Variants in ASB3 observed in about 807,000 individuals in gnomAD.
ASB3 encodes ankyrin repeat and SOCS box containing 3.
ASB3 carries 41 observed loss-of-function variants against 54.5 expected under a neutral mutation model. The observed-to-expected ratio is 0.75, with a 90% CI of 0.59 to 0.98. The LOEUF is 0.98. ASB3 is among the 50% of genes least tolerant of loss of function. The pLI, the probability that ASB3 is intolerant of heterozygous loss-of-function variation, is 0.00. For missense variants in ASB3, 733 were observed against 620.0 expected (o/e 1.18, Z -1.94); for synonymous variants, 266 against 221.2 (o/e 1.20, Z -1.80).
chr2:53,726,374 C>T (rs1481428798), intron 5 of ASB3, among the ~76,000 whole-genome samples: 1 of 151,094 alleles, frequency 6.6e-6, no homozygotes, highest in Non-Finnish European at 1.5e-5. Context: ...AATTCTCCTG[C>T]CTCAGCCTCC....
At chr2:53,771,938 C>A in intron 1 of ASB3, 1 of 1,543,680 alleles carries the variant, frequency 6.5e-7, no homozygotes. Context: ...GTTGAAGATC[C>A]TGCGGTATGG....
chr2:53,723,495 C>G (rs375877388), intron 5 of ASB3, among the ~76,000 whole-genome samples: 3 of 152,138 alleles, frequency 2.0e-5, no homozygotes, highest in African/African-American at 7.2e-5. Context: ...CCCATCCTTT[C>G]CCTGAGTCCC....
intron 3 of ASB3, among the ~76,000 whole-genome samples, chr2:53,742,616 T>C (rs1375738195): frequency 6.6e-6 from 1 of 151,636 alleles, no homozygotes; most frequent in Non-Finnish European, 1.5e-5. Flanking sequence ...GGAAATGATA[T>C]AATTTAAACT....
At chr2:53,772,199 G>C (rs1673972307) in intron 1 of ASB3, among the ~76,000 whole-genome samples, 3 of 152,012 alleles carry the variant, frequency 2.0e-5, no homozygotes, top group Non-Finnish European at 2.9e-5. Flanking sequence ...TTTTGAGACA[G>C]AGTCTAGCTC....
At chr2:53,730,729 C>T (rs1264828198) in intron 3 of ASB3, among the ~76,000 whole-genome samples, 1 of 152,104 alleles carries the variant, frequency 6.6e-6, no homozygotes, top group Non-Finnish European at 1.5e-5. Flanking sequence ...CTTTTTAATA[C>T]CAGCCATTCT....
chr2:53,782,880 A>T (rs1318603523), intron 1 of ASB3, among the ~76,000 whole-genome samples: 3 of 151,904 alleles, frequency 2.0e-5, no homozygotes, highest in African/African-American at 7.3e-5. Flanking sequence ...TCCGCCTCCC[A>T]GGTTTAAGTG....
intron 5 of ASB3, among the ~76,000 whole-genome samples, chr2:53,718,617 A>C (rs1471623626): frequency 1.3e-5 from 2 of 152,178 alleles, no homozygotes; most frequent in African/African-American, 2.4e-5. Flanking sequence ...TAGAAACTGC[A>C]AAGCAACCAT....
chr2:53,674,702 C>A (rs1020460440), intron 9 of ASB3, among the ~76,000 whole-genome samples: 1 of 152,088 alleles, frequency 6.6e-6, no homozygotes, highest in African/African-American at 2.4e-5. Flanking sequence ...TATCTGACTT[C>A]TGAGACACCT....
chr2:53,741,528 T>G (rs189687997), intron 3 of ASB3, among the ~76,000 whole-genome samples: 1 of 152,340 alleles, frequency 6.6e-6, no homozygotes, highest in South Asian at 2.1e-4. Context: ...TCAAGCTTCT[T>G]ATATAAATCG....
chr2:53,757,771 C>G (rs1256406715), intron 2 of ASB3, among the ~76,000 whole-genome samples: 5 of 152,186 alleles, frequency 3.3e-5, no homozygotes, highest in African/African-American at 1.2e-4. Context: ...CATTCCCCAC[C>G]ACCCTTGCCA....
chr2:53,742,594 A>C (rs1671995399), intron 3 of ASB3, among the ~76,000 whole-genome samples: 1 of 152,186 alleles, frequency 6.6e-6, no homozygotes, highest in African/African-American at 2.4e-5. Flanking sequence ...CTCAGTAAAA[A>C]AATGGCTGAC....
At chr2:53,685,685 C>T (rs1421262487) in intron 9 of ASB3, among the ~76,000 whole-genome samples, 2 of 152,202 alleles carry the variant, frequency 1.3e-5, no homozygotes, top group Non-Finnish European at 2.9e-5. Flanking sequence ...CGATCTGCAT[C>T]TGCTAATTCT....
At chr2:53,707,666 G>C (rs552763521) in intron 7 of ASB3, among the ~76,000 whole-genome samples, 58 of 143,268 alleles carry the variant, frequency 4.0e-4, no homozygotes, top group African/African-American at 1.3e-3. Flanking sequence ...AAAAAAGAAA[G>C]AAATGCAGAG....
Position 53,714,546 on chromosome 2 carries a change from G to A in ASB3, c.818C>T (p.Ala273Val), listed in dbSNP as rs1478314904. Residue 273 changes from alanine to valine, a missense_variant, in exon 7 of 10, where the codon GCC (alanine) becomes GTC (valine). Physicochemically the swap from Ala to Val is moderately conservative, Grantham distance 64 (BLOSUM62 0). Transcript: ENST00000263634. The part of the protein sequence containing the change: ...LDLLIPLTNR[A>V]CDTGLNKVSP... ...TACTTTGTTTAGCCCAGTGTCACAG[G>A]CCCGGTTAGTAAGTGGTATTAACAA... 6.2e-7 allele frequency: 1 copy of A among 1,614,100 alleles called. No individual in the cohort carries two copies. The highest frequency in any genetic ancestry group is 2.2e-5 in the East Asian group (1 of 44,884).
At chr2:53,712,802 A>G (rs1023398036) in intron 7 of ASB3, among the ~76,000 whole-genome samples, 1 of 152,168 alleles carries the variant, frequency 6.6e-6, no homozygotes, top group East Asian at 1.9e-4. Context: ...AAATCATTAT[A>G]TTCTGGTCTA....
intron 9 of ASB3, among the ~76,000 whole-genome samples, chr2:53,685,645 AG>A (rs1426285080): frequency 6.6e-6 from 1 of 152,256 alleles, no homozygotes; most frequent in African/African-American, 2.4e-5. Context: ...CCTTATAAAA[AG>A]ATGAGGATTA....
intron 7 of ASB3, among the ~76,000 whole-genome samples, chr2:53,704,806 C>CAA (rs1296512844): frequency 6.6e-6 from 1 of 152,094 alleles, no homozygotes; most frequent in Non-Finnish European, 1.5e-5. Flanking sequence ...TCTAAAAAAA[C>CAA]AAAGATTCTG....
At chr2:53,743,862 GT>G (rs964943842) in intron 3 of ASB3, among the ~76,000 whole-genome samples, 2 of 151,998 alleles carry the variant, frequency 1.3e-5, no homozygotes, top group Non-Finnish European at 2.9e-5. Flanking sequence ...GGCCAACATG[GT>G]GAAACCTCAT....
At chr2:53,673,952 C>T (rs188897654) in intron 9 of ASB3, among the ~76,000 whole-genome samples, 53 of 151,976 alleles carry the variant, frequency 3.5e-4, no homozygotes, top group African/African-American at 9.6e-4. Flanking sequence ...CAATAATATG[C>T]CTGTCAGTGC....
Sources: allele counts gnomAD v4.1 joint callset (sites outside exome capture counted in the v4.1 genomes callset), GRCh38; gene constraint gnomAD v4.1.1; transcripts MANE v1.5; gene names NCBI Gene and HGNC (gene_info 2026-07-23, HGNC 2026-07-21).